Variants in GPC6 observed in about 807,000 individuals in gnomAD.
GPC6 encodes the protein glypican-6.
In GPC6, 14 loss-of-function variants were observed where a neutral mutation model predicts 55.2. That is an observed-to-expected ratio of 0.25 (90% confidence interval 0.17 to 0.40). GPC6 has a LOEUF of 0.40. Among genes scored for constraint, GPC6 ranks in the 10% least tolerant of loss-of-function variants. The pLI, the probability that GPC6 is intolerant of heterozygous loss-of-function variation, is 1.00. For synonymous variants in GPC6, 278 were observed against 259.6 expected (o/e 1.07, Z -0.68); for missense variants, 641 against 708.5 (o/e 0.90, Z 1.08).
At chr13:93,430,762 C>G (rs984907284) in intron 1 of GPC6, among the ~76,000 whole-genome samples, 1 of 152,106 alleles carries the variant, frequency 6.6e-6, no homozygotes, top group Non-Finnish European at 1.5e-5. Flanking sequence ...CCTTTAAATG[C>G]TTATACAGTT....
chr13:94,142,882 G>A (rs1184763706), intron 4 of GPC6, among the ~76,000 whole-genome samples: 1 of 151,150 alleles, frequency 6.6e-6, no homozygotes, highest in African/African-American at 2.4e-5. Context: ...AGGCTGGAGT[G>A]CAGTGGCACG....
chr13:93,230,731 T>G (rs1048715311), intron 1 of GPC6, among the ~76,000 whole-genome samples: 2 of 152,132 alleles, frequency 1.3e-5, no homozygotes, highest in African/African-American at 4.8e-5. Flanking sequence ...ATTCTAGTCT[T>G]TCCTCATTCA....
intron 4 of GPC6, among the ~76,000 whole-genome samples, chr13:94,224,341 T>C (rs1200873672): frequency 6.6e-6 from 1 of 150,818 alleles, no homozygotes; most frequent in East Asian, 1.9e-4. Context: ...AATAAAAATA[T>C]AAAATATAAA....
At chr13:93,532,542 T>C (rs1881907696) in intron 1 of GPC6, among the ~76,000 whole-genome samples, 1 of 152,210 alleles carries the variant, frequency 6.6e-6, no homozygotes, top group African/African-American at 2.4e-5. Flanking sequence ...CAAGGTTAGA[T>C]GTGAGAAAAA....
At chr13:93,321,932 G>A (rs150884739) in intron 1 of GPC6, among the ~76,000 whole-genome samples, 7 of 152,166 alleles carry the variant, frequency 4.6e-5, no homozygotes, top group African/African-American at 9.6e-5. Context: ...ACTCTCTGTC[G>A]TGATGAATCA....
At chr13:94,289,366 G>A (rs1388523461) in intron 5 of GPC6, among the ~76,000 whole-genome samples, 2 of 152,168 alleles carry the variant, frequency 1.3e-5, no homozygotes, top group South Asian at 2.1e-4. Flanking sequence ...TCTTAGTGGA[G>A]TTACATTTCT....
chr13:93,688,717 G>T (rs761468209), intron 2 of GPC6, among the ~76,000 whole-genome samples: 1 of 151,940 alleles, frequency 6.6e-6, no homozygotes, highest in Non-Finnish European at 1.5e-5. Context: ...ACCTAGAGTG[G>T]GCAAATTCGT....
At position 93,383,444 on chromosome 13, in the gene GPC6, T is replaced by C. The variant is rs1310986574; in HGVS notation, c.160+155828T>C. Among the ~76,000 whole-genome samples, 7 of 152,284 alleles carry C rather than the reference T, an allele frequency of 4.6e-5. No homozygotes were observed. In the East Asian group the frequency reaches 9.7e-4, roughly 21 times the overall value. On this transcript the variant is annotated intron_variant, in intron 1 of 8. Coordinates refer to ENST00000377047, the MANE Select transcript of GPC6 (RefSeq NM_005708.5). ...GTTGCTAAGGCTGGTCTGGAACTCCTGGCCTCAAGCAATCCTCCGGCCTTG... is the reference window on the plus strand; with the variant it reads ...GTTGCTAAGGCTGGTCTGGAACTCCCGGCCTCAAGCAATCCTCCGGCCTTG...
rs146126569 is a variant in GPC6 at position 93,994,230 on chromosome 13, A to G, written c.712-33499A>G. 5.8e-4 allele frequency among the ~76,000 whole-genome samples: 89 copies of G among 152,302 alleles called. No individual in the cohort carries two copies. In the East Asian group the frequency reaches 0.013, roughly 22 times the overall value. On this transcript the variant is annotated intron_variant, in intron 3 of 8. Transcript: ENST00000377047. ...TCCATTTAAGTAAGGGCATGAATCC[A>G]ATCTATGTAACTCTTTATTCTTGGT...
At chr13:93,240,767 T>C (rs1022141950) in intron 1 of GPC6, among the ~76,000 whole-genome samples, 2 of 152,194 alleles carry the variant, frequency 1.3e-5, no homozygotes. Flanking sequence ...TTTTTTATAC[T>C]GTTGCGTATA....
chr13:93,843,811 A>G (rs1888055438), intron 3 of GPC6, among the ~76,000 whole-genome samples: 1 of 152,124 alleles, frequency 6.6e-6, no homozygotes, highest in Admixed American at 6.5e-5. Context: ...AGTTGGCCTG[A>G]TCCTGAATTC....
At chr13:94,165,207 G>GTA (rs369079874) in intron 4 of GPC6, among the ~76,000 whole-genome samples, 3,219 of 147,728 alleles carry the variant, frequency 0.022, 124 homozygotes, top group African/African-American at 0.075. Context: ...GTGTGTGTGT[G>GTA]TATATATATA....
At chr13:93,288,462 T>C (rs1028493480) in intron 1 of GPC6, among the ~76,000 whole-genome samples, 1 of 152,200 alleles carries the variant, frequency 6.6e-6, no homozygotes, top group African/African-American at 2.4e-5. Flanking sequence ...TTTCTTTTTT[T>C]TCTTTCTGTT....
intron 6 of GPC6, among the ~76,000 whole-genome samples, chr13:94,323,560 T>G (rs1034293595): frequency 1.3e-5 from 2 of 152,000 alleles, no homozygotes; most frequent in Non-Finnish European, 2.9e-5. Flanking sequence ...GGACATAAAG[T>G]GTGGAGTAAT....
intron 3 of GPC6, among the ~76,000 whole-genome samples, chr13:93,903,795 T>A (rs779419183): frequency 6.6e-6 from 1 of 152,032 alleles, no homozygotes; most frequent in Non-Finnish European, 1.5e-5. Context: ...CCGCCCCAAC[T>A]GTTTTTAAAA....
At chr13:93,511,648 G>A (rs1013702781) in intron 1 of GPC6, among the ~76,000 whole-genome samples, 4 of 151,852 alleles carry the variant, frequency 2.6e-5, no homozygotes, top group African/African-American at 7.2e-5. Flanking sequence ...GGATTGCTTT[G>A]GCTATTTGGA....
intron 4 of GPC6, among the ~76,000 whole-genome samples, chr13:94,143,271 T>C (rs1285224097): frequency 6.6e-6 from 1 of 152,226 alleles, no homozygotes; most frequent in Non-Finnish European, 1.5e-5. Context: ...GTGTTATTTT[T>C]CGTTGGACTT....
intron 4 of GPC6, among the ~76,000 whole-genome samples, chr13:94,132,817 C>T (rs936302231): frequency 6.6e-6 from 1 of 152,194 alleles, no homozygotes; most frequent in African/African-American, 2.4e-5. Context: ...AATACCGCCT[C>T]AGGACCCAGC....
chr13:94,248,359 A>G (rs984520397), intron 4 of GPC6, among the ~76,000 whole-genome samples: 14 of 152,264 alleles, frequency 9.2e-5, no homozygotes, highest in African/African-American at 3.1e-4. Context: ...AAAGTACTTA[A>G]GAAATTTACT....
Sources: allele counts gnomAD v4.1 joint callset (sites outside exome capture counted in the v4.1 genomes callset), GRCh38; gene constraint gnomAD v4.1.1; transcripts MANE v1.5; gene names NCBI Gene and HGNC (gene_info 2026-07-23, HGNC 2026-07-21).